The following CREBBP variants were observed in gnomAD, a reference collection of about 807,000 sequenced individuals.
The protein encoded by CREBBP is CREB binding lysine acetyltransferase.
CREBBP carries 19 observed loss-of-function variants against 265.0 expected under a neutral mutation model. That is an observed-to-expected ratio of 0.07 (90% confidence interval 0.05 to 0.11). CREBBP has a LOEUF of 0.11. Among genes scored for constraint, CREBBP ranks in the 10% least tolerant of loss-of-function variants. The probability of loss-of-function intolerance (pLI) is 1.00; values close to 1 mark genes in which losing one functional copy is unlikely to be tolerated. For synonymous variants in CREBBP, 1,457 were observed against 1,223.7 expected (o/e 1.19, Z -3.98); for missense variants, 2,525 against 3,219.0 (o/e 0.78, Z 5.22).
intron 2 of CREBBP, among the ~76,000 whole-genome samples, chr16:3,817,452 C>T (rs995961038): frequency 2.0e-5 from 3 of 151,714 alleles, no homozygotes; most frequent in African/African-American, 7.2e-5. Flanking sequence ...TCTCTCCACT[C>T]ACTAACCAGG....
chr16:3,735,021 C>T (rs755695963), intron 28 of CREBBP, among the ~76,000 whole-genome samples: 10 of 152,116 alleles, frequency 6.6e-5, no homozygotes, highest in African/African-American at 2.2e-4. Flanking sequence ...CGTTCGTCAT[C>T]GCTCTCCCTG....
Position 3,727,495 on chromosome 16 carries a change from C to T in CREBBP, c.*223G>A. 1 of 119,694 alleles carries T rather than the reference C, an allele frequency of 8.4e-6. No individual in the cohort carries two copies. The highest frequency in any genetic ancestry group is 1.6e-5 in the Non-Finnish European group (1 of 62,570). 7.4% of individuals were successfully genotyped at this position (119,694 alleles called of 1,614,324 possible). A position where few individuals can be genotyped will look rare whatever the true frequency, so the allele number is the denominator to read the frequency against. ...AAAACGGAAAAAAAAGAACCCCCCC[C>T]ACCCCCCCGCCAAAAAAAAACCAAA... On this transcript the variant is annotated 3_prime_UTR_variant, in exon 31 of 31. Transcript: ENST00000262367.
chr16:3,753,324 T>G (rs1049356751), intron 19 of CREBBP, among the ~76,000 whole-genome samples: 1 of 152,198 alleles, frequency 6.6e-6, no homozygotes, highest in African/African-American at 2.4e-5. Flanking sequence ...CTGTTGTATT[T>G]CACTAACCAC....
intron 3 of CREBBP, among the ~76,000 whole-genome samples, chr16:3,807,521 G>A (rs1290869066): frequency 1.3e-5 from 2 of 152,118 alleles, no homozygotes; most frequent in Non-Finnish European, 2.9e-5. Flanking sequence ...AATTCAAAAA[G>A]ACTACAAAAC....
At chr16:3,743,331 A>G (rs1413608007) in intron 23 of CREBBP, 1 of 152,274 alleles carries the variant, frequency 6.6e-6, no homozygotes, top group Non-Finnish European at 1.5e-5. Flanking sequence ...TAGTTTATCA[A>G]TGAGTGATAT....
At chr16:3,779,324 A>G (rs546235563) in intron 8 of CREBBP, among the ~76,000 whole-genome samples, 7 of 152,110 alleles carry the variant, frequency 4.6e-5, no homozygotes, top group Non-Finnish European at 1.0e-4. Context: ...ACAGGTGCAC[A>G]CCACCATGCC....
At chr16:3,760,197 T>A (rs979656755) in intron 16 of CREBBP, among the ~76,000 whole-genome samples, 1 of 152,058 alleles carries the variant, frequency 6.6e-6, no homozygotes, top group Non-Finnish European at 1.5e-5. Context: ...GCTCAAGCCA[T>A]CCTCCTGCCT....
At chr16:3,798,311 A>C (rs988794963) in intron 3 of CREBBP, among the ~76,000 whole-genome samples, 1 of 152,258 alleles carries the variant, frequency 6.6e-6, no homozygotes, top group Non-Finnish European at 1.5e-5. Flanking sequence ...GTGATAAAAG[A>C]AAAATAAACT....
At position 3,802,114 on chromosome 16, in the gene CREBBP, A is replaced by ATTTTTTTTTTTTTTTTTTTTTTTTT. The variant is rs71133657; in HGVS notation, c.975+8464_975+8488dup. On this transcript the variant is annotated intron_variant, in intron 3 of 30. Transcript: ENST00000262367. ...TTTATATTTACTCTGGTATTCCTTA[A>ATTTTTTTTTTTTTTTTTTTTTTTTT]TTTTTTTTTTTTTTTTTTTTTTTTT... Among the ~76,000 whole-genome samples, 7 of 50,580 alleles carry ATTTTTTTTTTTTTTTTTTTTTTTTT rather than the reference A, an allele frequency of 1.4e-4. 2 individuals are homozygous for ATTTTTTTTTTTTTTTTTTTTTTTTT. The highest frequency in any genetic ancestry group is 3.7e-4 in the African/African-American group (4 of 10,782). 33.2% of individuals were successfully genotyped at this position (50,580 alleles called of 152,430 possible).
At chr16:3,730,965 C>T (rs1329732569) in intron 30 of CREBBP, among the ~76,000 whole-genome samples, 1 of 152,238 alleles carries the variant, frequency 6.6e-6, no homozygotes, top group Non-Finnish European at 1.5e-5. Flanking sequence ...AGCAGAGCCT[C>T]CCTCTGGCCG....
At chr16:3,826,009 C>T (rs982150181) in intron 2 of CREBBP, among the ~76,000 whole-genome samples, 8 of 152,216 alleles carry the variant, frequency 5.3e-5, no homozygotes, top group African/African-American at 1.9e-4. Flanking sequence ...ATTGCTTGAG[C>T]TCAGGAGTTT....
At chr16:3,758,738 T>C (rs2052642796) in intron 17 of CREBBP, 116 bp downstream of exon 17, 4 of 852,246 alleles carry the variant, frequency 4.7e-6, no homozygotes, top group Non-Finnish European at 7.9e-6. Context: ...TTTTTTATAT[T>C]AGGAGAACAA....
At chr16:3,872,656 A>T (rs1160382109) in intron 1 of CREBBP, among the ~76,000 whole-genome samples, 1 of 152,242 alleles carries the variant, frequency 6.6e-6, no homozygotes, top group South Asian at 2.1e-4. Flanking sequence ...GCATGTGCTA[A>T]AAAGCAGACG....
intron 2 of CREBBP, among the ~76,000 whole-genome samples, chr16:3,842,522 GTTTT>G (rs1303455877): frequency 6.6e-6 from 1 of 151,996 alleles, no homozygotes; most frequent in Non-Finnish European, 1.5e-5. Context: ...TAAAGAAATT[GTTTT>G]TTCTTTAAAA....
intron 1 of CREBBP, among the ~76,000 whole-genome samples, chr16:3,853,057 G>C (rs1166341049): frequency 6.6e-6 from 1 of 151,748 alleles, no homozygotes; most frequent in African/African-American, 2.4e-5. Flanking sequence ...CTGGACACCA[G>C]CTCTGCCTCC....
At chr16:3,736,405 G>A in intron 27 of CREBBP, 1 of 747,820 alleles carries the variant, frequency 1.3e-6, no homozygotes, top group Admixed American at 2.2e-5. Context: ...GTGCAACAGT[G>A]ATGCACAGGC....
intron 16 of CREBBP, among the ~76,000 whole-genome samples, chr16:3,762,071 C>T (rs1053488233): frequency 6.6e-6 from 1 of 152,176 alleles, no homozygotes; most frequent in Non-Finnish European, 1.5e-5. Flanking sequence ...TGTTAGTCTC[C>T]AAAAATACAG....
rs148166138 is a variant in CREBBP at position 3,835,524 on chromosome 16, ACTT to A, written c.798+14770_798+14772del. On this transcript the variant is annotated intron_variant, in intron 2 of 30. Transcript: ENST00000262367. ...AGTTATTTATCTAAGAGAAATGAAA[ACTT>A]CTATGCCCACAAAAAAAGCTGTACA... 5.3e-3 allele frequency among the ~76,000 whole-genome samples: 809 copies of A among 151,730 alleles called. 5 individuals carry two copies. Among genetic ancestry groups the A allele is most frequent in the Non-Finnish European group, 8.8e-3 (601 of 67,938 alleles).
At chr16:3,765,113 A>G (rs1222529782) in intron 16 of CREBBP, among the ~76,000 whole-genome samples, 2 of 152,082 alleles carry the variant, frequency 1.3e-5, no homozygotes, top group Admixed American at 6.5e-5. Flanking sequence ...AGCTGGGACT[A>G]CAGGCGCCCG....
Sources: gnomAD v4.1 joint callset for allele counts (sites outside exome capture counted in the v4.1 genomes callset) on GRCh38, gnomAD v4.1.1 for gene constraint, MANE v1.5 for transcripts, NCBI Gene and HGNC (gene_info 2026-07-23, HGNC 2026-07-21) for gene names.